Variants in LXN observed in about 807,000 individuals in gnomAD.
The protein encoded by LXN is latexin, also known as MUM.
A neutral mutation model predicts 29.8 loss-of-function variants in LXN; 28 were observed. That is an observed-to-expected ratio of 0.94 (90% CI 0.70 to 1.29). The LOEUF (loss-of-function observed/expected upper bound fraction) is 1.29, where lower values mean the gene tolerates loss of function less well. Among genes scored for constraint, LXN ranks in the 50% most tolerant of loss-of-function variants. LXN has a pLI of 0.00. For synonymous variants in LXN, 77 were observed against 89.6 expected (o/e 0.86, Z 0.80); for missense variants, 227 against 261.7 (o/e 0.87, Z 0.92).
rs1010635204 is a variant in LXN at position 158,672,621 on chromosome 3, C to T, written c.-143G>A. 1.1e-6 allele frequency: 1 copy of T among 929,076 alleles called. No homozygotes were observed. The highest frequency in any genetic ancestry group is 1.6e-5 in the South Asian group (1 of 62,264). The allele number at this position is 929,076 out of a possible 1,614,324, so 57.6% of individuals were successfully genotyped here. A position where few individuals can be genotyped will look rare whatever the true frequency, so the allele number is the denominator to read the frequency against. ...TCCTTCAGTCAGTCTTCTTCCTCAG[C>T]TCCTTCCGACTCCGGAAGCTGCTGT... is the stretch of plus-strand genomic sequence containing the variant. On this transcript the variant is annotated 5_prime_UTR_variant, in exon 1 of 6. Transcript: ENST00000264265.
chr3:158,668,863 C>T, intron 4 of LXN, 133 bp downstream of exon 4: 1 of 720,488 alleles, frequency 1.4e-6, no homozygotes, highest in Non-Finnish European at 2.2e-6. Context: ...TTGTACCTGA[C>T]CTCCCCTTTG....
At chr3:158,669,814 A>C in intron 2 of LXN, among the ~76,000 whole-genome samples, 1 of 152,214 alleles carries the variant, frequency 6.6e-6, no homozygotes, top group East Asian at 1.9e-4. Flanking sequence ...TAGATAACTT[A>C]CTTTATAAAT....
intron 1 of LXN, among the ~76,000 whole-genome samples, 174 bp downstream of exon 1, chr3:158,672,176 G>C (rs1430707371): frequency 6.6e-6 from 1 of 152,154 alleles, no homozygotes; most frequent in East Asian, 1.9e-4. Flanking sequence ...CTGGAGTATA[G>C]ACATTCCCCC....
intron 4 of LXN, 48 bp downstream of exon 4, chr3:158,668,948 C>A: frequency 6.9e-7 from 1 of 1,453,990 alleles, no homozygotes; most frequent in South Asian, 1.2e-5. Flanking sequence ...ACAATACTTT[C>A]GATAAATATT....
chr3:158,668,910 A>G, intron 4 of LXN, 86 bp downstream of exon 4: 1 of 1,218,694 alleles, frequency 8.2e-7, no homozygotes, highest in Non-Finnish European at 1.2e-6. Flanking sequence ...AAATGACTAT[A>G]GGAATACTGT....
At position 158,666,584 on chromosome 3, in the gene LXN, G is replaced by T; in HGVS notation, c.*62C>A. The T allele has an allele frequency of 6.9e-7, 1 of 1,441,408 alleles. No individual in the cohort carries two copies. The highest frequency in any genetic ancestry group is 9.7e-7 in the Non-Finnish European group (1 of 1,025,728). The allele number at this position is 1,441,408 out of a possible 1,614,324, so 89.3% of individuals were successfully genotyped here. On this transcript the variant is annotated 3_prime_UTR_variant, in exon 6 of 6. Coordinates refer to ENST00000264265, the MANE Select transcript of LXN (RefSeq NM_020169.4). The stretch of plus-strand genomic sequence containing the variant: ...GATTATTTGGCCTCATAAGCTAGAT[G>T]CCAGTGAAATTGGCATACACATCAA...
chr3:158,671,124 G>A, intron 1 of LXN, 105 bp from the exon 2 acceptor site: 2 of 1,296,428 alleles, frequency 1.5e-6, no homozygotes, highest in East Asian at 6.1e-5. Context: ...TGGCTGAAGG[G>A]GAATGGTGAA....
intron 1 of LXN, among the ~76,000 whole-genome samples, 195 bp downstream of exon 1, chr3:158,672,155 G>C (rs1724384077): frequency 6.6e-6 from 1 of 152,160 alleles, no homozygotes; most frequent in Non-Finnish European, 1.5e-5. Flanking sequence ...GTCCCGGGCT[G>C]TCTCCAGAGA....
Position 158,672,370 on chromosome 3 carries a change from CCTT to C in LXN, c.106_108del (p.Lys36del), listed in dbSNP as rs1318622174. The C allele has an allele frequency of 1.2e-6, 2 of 1,613,964 alleles. No homozygotes were observed. Among genetic ancestry groups the C allele is most frequent in the Non-Finnish European group, 1.7e-6 (2 of 1,179,886 alleles). ...CTCACCTCCATGCTGGCTTGTTTGA[CCTT>C]CTGCACCTCAAACACCCTGTGCGGG... is the stretch of plus-strand genomic sequence containing the variant. On this transcript the variant is annotated inframe_deletion, in exon 1 of 6. Coordinates refer to ENST00000264265, the MANE Select transcript of LXN (RefSeq NM_020169.4).
chr3:158,669,684 T>C, intron 2 of LXN, 74 bp from the exon 3 acceptor site: 1 of 1,412,328 alleles, frequency 7.1e-7, no homozygotes, highest in African/African-American at 1.4e-5. Context: ...TGAGATATGA[T>C]TTAAAGCATA....
chr3:158,667,081 CAA>C lies in LXN; in HGVS notation c.508-9_508-8del. On this transcript the variant is annotated splice_polypyrimidine_tract_variant and splice_region_variant and intron_variant, in intron 4 of 5. Coordinates refer to ENST00000264265, the MANE Select transcript of LXN (RefSeq NM_020169.4). ...TAAAGTCATCATTTCTTTGCTATGA[CAA>C]AAAATAAAAACGTGTTGTTTAAAAC... The C allele has an allele frequency of 6.4e-7, 1 of 1,571,960 alleles. No homozygotes were observed. The highest frequency in any genetic ancestry group is 8.6e-7 in the Non-Finnish European group (1 of 1,165,190).
intron 2 of LXN, among the ~76,000 whole-genome samples, chr3:158,669,927 T>C (rs1387743873): frequency 6.6e-6 from 1 of 152,254 alleles, no homozygotes; most frequent in Non-Finnish European, 1.5e-5. Flanking sequence ...TCTGACTTTA[T>C]ATACCAACTC....
chr3:158,672,565 G>T lies in LXN; in HGVS notation c.-87C>A, dbSNP rs1406700830. On this transcript the variant is annotated 5_prime_UTR_variant, in exon 1 of 6. Transcript: ENST00000264265. ...CGCCGCCCGTCCTGCTTGCTGCTGGGTCCGGTTGCCGAGGCGGAAAAGTCG... is the reference window on the plus strand; with the variant it reads ...CGCCGCCCGTCCTGCTTGCTGCTGGTTCCGGTTGCCGAGGCGGAAAAGTCG... 1.3e-6 allele frequency: 2 copies of T among 1,549,002 alleles called. No individual in the cohort carries two copies. The highest frequency in any genetic ancestry group is 2.7e-5 in the African/African-American group (2 of 73,432).
intron 4 of LXN, among the ~76,000 whole-genome samples, chr3:158,667,557 A>G (rs1406400693): frequency 6.6e-6 from 1 of 152,208 alleles, no homozygotes; most frequent in African/African-American, 2.4e-5. Context: ...GGGCTGAGGT[A>G]GGCAACTTGC....
chr3:158,666,979 A>T, intron 5 of LXN, 33 bp downstream of exon 5: 2 of 1,580,348 alleles, frequency 1.3e-6, no homozygotes, highest in Non-Finnish European at 1.7e-6. Flanking sequence ...CAGTTTTCAG[A>T]ATGGCATCAA....
rs1274046829 is a variant in LXN at position 158,669,283 on chromosome 3, CTT to C, written c.370+148_370+149del. The C allele has an allele frequency of 5.0e-6, 6 of 1,200,630 alleles. No homozygotes were observed. In the East Asian group the frequency reaches 1.0e-4, roughly 21 times the overall value. 74.4% of individuals were successfully genotyped at this position (1,200,630 alleles called of 1,614,324 possible). ...TGGATCTATAAAATTTCTGAGGCCTCTTTTTTGTTGGATTGGATTAGAAATGA... is the reference window on the plus strand; with the variant it reads ...TGGATCTATAAAATTTCTGAGGCCTCTTTTGTTGGATTGGATTAGAAATGA... On this transcript the variant is annotated intron_variant, in intron 3 of 5. Transcript: ENST00000264265.
In LXN at chr3:158,672,497, T is replaced by TCAGGGC. The variant is rs751523105; in HGVS notation, c.-25_-20dup. 6.2e-7 allele frequency: 1 copy of TCAGGGC among 1,613,446 alleles called. No individual in the cohort carries two copies. The highest frequency in any genetic ancestry group is 2.2e-5 in the East Asian group (1 of 44,848). Reference sequence around the variant, plus strand: ...TTTCCATTCCGGATGAGCAGTGACTTCAGGGCTTGGGCTACTCTGGCTTAA... The same window carrying TCAGGGC: ...TTTCCATTCCGGATGAGCAGTGACTTCAGGGCCAGGGCTTGGGCTACTCTGGCTTAA... On this transcript the variant is annotated 5_prime_UTR_variant, in exon 1 of 6. Transcript: ENST00000264265.
Position 158,672,168 on chromosome 3 carries a change from G to A in LXN, c.129+182C>T, listed in dbSNP as rs184291369. On this transcript the variant is annotated intron_variant, in intron 1 of 5. Transcript: ENST00000264265. ...CAGTCCCGGGCTGTCTCCAGAGACT[G>A]GAGTATAGACATTCCCCCAGAAACC... is the stretch of plus-strand genomic sequence containing the variant. Among the ~76,000 whole-genome samples, 681 of 152,250 alleles carry A rather than the reference G, an allele frequency of 4.5e-3. 6 individuals carry two copies. Among genetic ancestry groups the A allele is most frequent in the Middle Eastern group, 6.8e-3 (2 of 294 alleles).
Position 158,669,529 on chromosome 3 carries a change from C to T in LXN, c.274G>A (p.Glu92Lys). 1 of 1,613,980 alleles carries T rather than the reference C, an allele frequency of 6.2e-7. No homozygotes were observed. The highest frequency in any genetic ancestry group is 8.5e-7 in the Non-Finnish European group (1 of 1,179,908). The change falls in exon 3 of 6, where the codon GAA (glutamate) becomes AAA (lysine). Residue 92 changes from glutamate (E) to lysine (K), a missense_variant. Transcript: ENST00000264265. ...TCTGGATTCTTTCCAGTTTCTCCTTCAAATGTGAAGTTGACTTCTGGTGCA... is the reference window on the plus strand; with the variant it reads ...TCTGGATTCTTTCCAGTTTCTCCTTTAAATGTGAAGTTGACTTCTGGTGCA... ...ETAPEVNFTF[E>K]GETGKNPDEE...
Sources: gnomAD v4.1 joint callset for allele counts (sites outside exome capture counted in the v4.1 genomes callset) on GRCh38, gnomAD v4.1.1 for gene constraint, MANE v1.5 for transcripts, NCBI Gene and HGNC (gene_info 2026-07-23, HGNC 2026-07-21) for gene names.